The following GPR31 variants were observed in gnomAD, a reference collection of about 807,000 sequenced individuals.
GPR31 encodes the protein 12-(S)-hydroxy-5,8,10,14-eicosatetraenoic acid receptor.
For missense variants in GPR31, 394 were observed against 400.5 expected, an observed-to-expected ratio of 0.98 and a Z score of 0.14; for synonymous variants, 209 against 183.8, an observed-to-expected ratio of 1.14 and a Z score of -1.11.
rs746230560 is a variant in GPR31, at chr6:167,157,451, A to T, written c.381T>A (p.Ser127=). 3.7e-6 allele frequency: 6 copies of T among 1,613,498 alleles called. No individual in the cohort carries two copies. The highest frequency in any genetic ancestry group is 5.1e-6 in the Non-Finnish European group (6 of 1,179,942). The stretch of plus-strand genomic sequence containing the variant: ...CCGAGACCCCCAGGGCCGCCTGAGG[A>T]GACAGCAGGTTGACCTTAAGCCGAG... ...VHPRLKVNLL[S]PQAALGVSGL... Residue 127 remains serine (S), a synonymous_variant, in exon 1 of 1, where the codon TCT becomes TCA. Transcript: ENST00000366834.
Position 167,156,773 on chromosome 6 carries a change from T to A in GPR31, c.*99A>T. 1 of 1,330,734 alleles carries A rather than the reference T, an allele frequency of 7.5e-7. No individual in the cohort carries two copies. The allele number at this position is 1,330,734 out of a possible 1,614,324, so 82.4% of individuals were successfully genotyped here. A position where few individuals can be genotyped will look rare whatever the true frequency, so the allele number is the denominator to read the frequency against. ...ATGCTCTGATCCTTGTATTGCAGTCTTAAGACTTCTTCTTCTTCCAGAATC... is the reference window on the plus strand; with the variant it reads ...ATGCTCTGATCCTTGTATTGCAGTCATAAGACTTCTTCTTCTTCCAGAATC... On this transcript the variant is annotated 3_prime_UTR_variant, in exon 1 of 1. Transcript: ENST00000366834. The surrounding 1 kb of genome is among the most constrained non-coding windows in gnomAD (Gnocchi z 4.5).
chr6:167,157,075 T>C lies in GPR31; in HGVS notation c.757A>G (p.Ser253Gly). Residue 253 changes from serine to glycine, a missense_variant, in exon 1 of 1, where the codon AGC (serine) becomes GGC (glycine). Coordinates refer to ENST00000366834, the MANE Select transcript of GPR31 (RefSeq NM_005299.3). ...GCCACTGCACAAAGGGCCCTGCAGC[T>C]CCCCAGATTCTGGAAGATGTGCATC... Reference protein sequence around the residue: ...VLMHIFQNLGSCRALCAVAHT... With the variant: ...VLMHIFQNLGGCRALCAVAHT... 1 of 1,614,040 alleles carries C rather than the reference T, an allele frequency of 6.2e-7. No homozygotes were observed. Among genetic ancestry groups the C allele is most frequent in the Non-Finnish European group, 8.5e-7 (1 of 1,180,006 alleles).
rs149598520 is a variant in GPR31, at chr6:167,156,758, C to T, written c.*114G>A. The T allele has an allele frequency of 8.5e-7, 1 of 1,176,326 alleles. No homozygotes were observed. The highest frequency in any genetic ancestry group is 2.3e-5 in the Admixed American group (1 of 43,446). 72.9% of individuals were successfully genotyped at this position (1,176,326 alleles called of 1,614,324 possible). A position where few individuals can be genotyped will look rare whatever the true frequency, so the allele number is the denominator to read the frequency against. ...ACTGTGCCCATGTTTATGCTCTGAT[C>T]CTTGTATTGCAGTCTTAAGACTTCT... On this transcript the variant is annotated 3_prime_UTR_variant, in exon 1 of 1. Coordinates refer to ENST00000366834, the MANE Select transcript of GPR31 (RefSeq NM_005299.3). This position sits in a 1 kb window ranked among gnomAD's most constrained non-coding sequence, Gnocchi z 4.5.
chr6:167,157,279 G>C lies in GPR31; in HGVS notation c.553C>G (p.Gln185Glu). 6.2e-7 allele frequency: 1 copy of C among 1,614,190 alleles called. No homozygotes were observed. The highest frequency in any genetic ancestry group is 8.5e-7 in the Non-Finnish European group (1 of 1,180,026). Reference sequence around the variant, plus strand: ...ATGAGGCCAAAGGGGAGGACAAACTGAAGGCAGGAGAGTGCTTCCTGCCAG... The same window carrying C: ...ATGAGGCCAAAGGGGAGGACAAACTCAAGGCAGGAGAGTGCTTCCTGCCAG... ...IIWQEALSCLQFVLPFGLIVF... is the reference protein window; with the variant it reads ...IIWQEALSCLEFVLPFGLIVF... Residue 185 changes from glutamine to glutamate, a missense_variant, in exon 1 of 1, where the codon CAG (glutamine) becomes GAG (glutamate). By Grantham distance (29) the Gln-to-Glu change is conservative (BLOSUM62 2). Coordinates refer to ENST00000366834, the MANE Select transcript of GPR31 (RefSeq NM_005299.3).
chr6:167,157,900 A>G lies in GPR31; in HGVS notation c.-69T>C. On this transcript the variant is annotated 5_prime_UTR_variant, in exon 1 of 1. Transcript: ENST00000366834. ...GGAGGAACTCTGTGCTCTTTCTTACAAAATGAAAGAAAAGGCCTTTTCCTG... is the reference window on the plus strand; with the variant it reads ...GGAGGAACTCTGTGCTCTTTCTTACGAAATGAAAGAAAAGGCCTTTTCCTG... The G allele has an allele frequency of 6.8e-7, 1 of 1,470,572 alleles. No homozygotes were observed. Among genetic ancestry groups the G allele is most frequent in the African/African-American group, 1.4e-5 (1 of 70,472 alleles). The allele number at this position is 1,470,572 out of a possible 1,614,324, so 91.1% of individuals were successfully genotyped here.
At position 167,157,094 on chromosome 6, in the gene GPR31, G is replaced by A. The variant is rs1583010662; in HGVS notation, c.738C>T (p.His246=). The change falls in exon 1 of 1, where the codon CAC becomes CAT. Residue 246 remains histidine, a synonymous_variant. Coordinates refer to ENST00000366834, the MANE Select transcript of GPR31 (RefSeq NM_005299.3). ...TGCAGCTCCCCAGATTCTGGAAGAT[G>A]TGCATCAGGACTCTGGCCAGGAAGC... ...LPCFLARVLM[H]IFQNLGSCRA... is the part of the protein sequence containing the mutation. 1 of 1,614,210 alleles carries A rather than the reference G, an allele frequency of 6.2e-7. No individual in the cohort carries two copies. The highest frequency in any genetic ancestry group is 8.5e-7 in the Non-Finnish European group (1 of 1,180,048).
Position 167,157,427 on chromosome 6 carries a change from C to T in GPR31, c.405G>A (p.Ser135=), listed in dbSNP as rs143766557. Residue 135 remains serine (S), a synonymous_variant, in exon 1 of 1, where the codon TCG becomes TCA. Transcript: ENST00000366834. ...LLSPQAALGV[S]GLVWLLMVAL... Reference sequence around the variant, plus strand: ...CGACCATCAGGAGCCAGACGAGGCCCGAGACCCCCAGGGCCGCCTGAGGAG... The same window carrying T: ...CGACCATCAGGAGCCAGACGAGGCCTGAGACCCCCAGGGCCGCCTGAGGAG... 1.9e-3 allele frequency: 3,076 copies of T among 1,613,358 alleles called. 7 individuals carry two copies. Among genetic ancestry groups the T allele is most frequent in the Non-Finnish European group, 2.4e-3 (2,825 of 1,179,982 alleles).
In GPR31 at chr6:167,157,252, C is replaced by G; in HGVS notation, c.580G>C (p.Val194Leu). ...LQFVLPFGLIVFCNAGIIRAL... is the reference protein window; with the variant it reads ...LQFVLPFGLILFCNAGIIRAL... ...CTGATGATGCCTGCATTGCAGAACACGATGAGGCCAAAGGGGAGGACAAAC... is the reference window on the plus strand; with the variant it reads ...CTGATGATGCCTGCATTGCAGAACAGGATGAGGCCAAAGGGGAGGACAAAC... The change falls in exon 1 of 1, where the codon GTG becomes CTG. Residue 194 changes from valine (V) to leucine (L), a missense_variant. Val to Leu is a conservative substitution (Grantham distance 32, BLOSUM62 1). Coordinates refer to ENST00000366834, the MANE Select transcript of GPR31 (RefSeq NM_005299.3). 1 of 1,614,144 alleles carries G rather than the reference C, an allele frequency of 6.2e-7. No individual in the cohort carries two copies. Among genetic ancestry groups the G allele is most frequent in the Non-Finnish European group, 8.5e-7 (1 of 1,180,012 alleles).
rs1330035432 is a variant in GPR31, at chr6:167,155,554, A to G, written c.*1318T>C. Among the ~76,000 whole-genome samples the G allele has an allele frequency of 6.6e-6, 1 of 152,252 alleles. No homozygotes were observed. The highest frequency in any genetic ancestry group is 1.5e-5 in the Non-Finnish European group (1 of 68,046). On this transcript the variant is annotated 3_prime_UTR_variant, in exon 1 of 1. Transcript: ENST00000366834. ...CCTAGAGCCATCATTTTTGACCTCG[A>G]ATTTGACAGAAAGCTTGGGACCACC...
chr6:167,157,473 C>T lies in GPR31; in HGVS notation c.359G>A (p.Arg120Gln), dbSNP rs199566433. Reference protein sequence around the residue: ...LDRYLRVVHPRLKVNLLSPQA... With the variant: ...LDRYLRVVHPQLKVNLLSPQA... ...AGGAGACAGCAGGTTGACCTTAAGCCGAGGGTGGACCACACGGAGGTACCG... is the reference window on the plus strand; with the variant it reads ...AGGAGACAGCAGGTTGACCTTAAGCTGAGGGTGGACCACACGGAGGTACCG... Residue 120 changes from arginine (R) to glutamine (Q), a missense_variant, in exon 1 of 1, where the codon CGG becomes CAG. By Grantham distance (43) the Arg-to-Gln change is conservative (BLOSUM62 1). Transcript: ENST00000366834. The T allele has an allele frequency of 7.0e-4, 1,122 of 1,613,556 alleles. 10 individuals carry two copies. In the South Asian group the frequency reaches 8.7e-3, roughly 12 times the overall value.
In GPR31 at chr6:167,157,957, A is replaced by G; in HGVS notation, c.-126T>C. ...AGTAGACAAGATCTACATTTGCCCAACAAGAACAGTTCCTCAGCAGAATAG... is the reference window on the plus strand; with the variant it reads ...AGTAGACAAGATCTACATTTGCCCAGCAAGAACAGTTCCTCAGCAGAATAG... On this transcript the variant is annotated 5_prime_UTR_variant, in exon 1 of 1. Transcript: ENST00000366834. The G allele has an allele frequency of 8.5e-7, 1 of 1,174,914 alleles. No homozygotes were observed. Among genetic ancestry groups the G allele is most frequent in the South Asian group, 1.6e-5 (1 of 61,776 alleles). 72.8% of individuals were successfully genotyped at this position (1,174,914 alleles called of 1,614,324 possible).
At position 167,157,846 on chromosome 6, in the gene GPR31, G is replaced by A; in HGVS notation, c.-15C>T. 1.9e-6 allele frequency: 3 copies of A among 1,594,470 alleles called. No homozygotes were observed. Among genetic ancestry groups the A allele is most frequent in the Non-Finnish European group, 2.6e-6 (3 of 1,170,342 alleles). On this transcript the variant is annotated 5_prime_UTR_variant, in exon 1 of 1. Coordinates refer to ENST00000366834, the MANE Select transcript of GPR31 (RefSeq NM_005299.3). ...GGGAATGGCATCACCCGGCCGTGAGGGGCTGCAGGCACAGCTGGAGCAGGT... is the reference window on the plus strand; with the variant it reads ...GGGAATGGCATCACCCGGCCGTGAGAGGCTGCAGGCACAGCTGGAGCAGGT...
chr6:167,157,628 A>G lies in GPR31; in HGVS notation c.204T>C (p.Pro68=). Residue 68 remains proline, a synonymous_variant, in exon 1 of 1, where the codon CCT becomes CCC. Transcript: ENST00000366834. ...GGCTCAGGTAGAAGGCGGCCAGGAAAGGCAGGCACGCAGCCAACAGCAGGT... is the reference window on the plus strand; with the variant it reads ...GGCTCAGGTAGAAGGCGGCCAGGAAGGGCAGGCACGCAGCCAACAGCAGGT... The part of the protein sequence containing the change: ...LADLLLAACL[P]FLAAFYLSLQ... 1 of 1,613,826 alleles carries G rather than the reference A, an allele frequency of 6.2e-7. No homozygotes were observed. Among genetic ancestry groups the G allele is most frequent in the Non-Finnish European group, 8.5e-7 (1 of 1,179,936 alleles).
rs970685013 is a variant in GPR31, at chr6:167,155,563, G to A, written c.*1309C>T. Among the ~76,000 whole-genome samples the A allele has an allele frequency of 6.6e-6, 1 of 152,236 alleles. No homozygotes were observed. Among genetic ancestry groups the A allele is most frequent in the East Asian group, 1.9e-4 (1 of 5,206 alleles). ...ATCATTTTTGACCTCGAATTTGACA[G>A]AAAGCTTGGGACCACCCCTGTGGGA... is the stretch of plus-strand genomic sequence containing the variant. On this transcript the variant is annotated 3_prime_UTR_variant, in exon 1 of 1. Transcript: ENST00000366834.
chr6:167,157,566 G>A lies in GPR31; in HGVS notation c.266C>T (p.Ala89Val), dbSNP rs755363382. 1.2e-5 allele frequency: 19 copies of A among 1,610,254 alleles called. No homozygotes were observed. In the Admixed American group the frequency reaches 1.7e-4, roughly 14 times the overall value. The change falls in exon 1 of 1, where the codon GCC becomes GTC. Residue 89 changes from alanine to valine, a missense_variant. By Grantham distance (64) the Ala-to-Val change is moderately conservative. Coordinates refer to ENST00000366834, the MANE Select transcript of GPR31 (RefSeq NM_005299.3). Reference sequence around the variant, plus strand: ...GCTGAGGTCCAGCAGGAAGTGCAGGGCCCAGCAGCCCACACGGCCCAGATG... The same window carrying A: ...GCTGAGGTCCAGCAGGAAGTGCAGGACCCAGCAGCCCACACGGCCCAGATG... ...AWHLGRVGCW[A>V]LHFLLDLSRS... is the part of the protein sequence containing the mutation.
At position 167,157,142 on chromosome 6, in the gene GPR31, C is replaced by G. The variant is rs1404842950; in HGVS notation, c.690G>C (p.Leu230=). 5 of 1,614,106 alleles carry G rather than the reference C, an allele frequency of 3.1e-6. No individual in the cohort carries two copies. The South Asian group carries it at 4.4e-5, about 14-fold the overall frequency. ...AQALVTLVVV[L]FALCFLPCFL... is the part of the protein sequence containing the mutation. ...AGCAGGGCAGAAAGCACAGAGCAAA[C>G]AGCACCACCACCAAGGTGACCAGTG... The change falls in exon 1 of 1, where the codon CTG becomes CTC. Residue 230 remains leucine, a synonymous_variant. Coordinates refer to ENST00000366834, the MANE Select transcript of GPR31 (RefSeq NM_005299.3).
rs536737881 is a variant in GPR31, at chr6:167,157,092, A to T, written c.740T>A (p.Ile247Asn). 18 of 1,614,210 alleles carry T rather than the reference A, an allele frequency of 1.1e-5. No homozygotes were observed. The East Asian group carries it at 3.1e-4, about 28-fold the overall frequency. Reference protein sequence around the residue: ...PCFLARVLMHIFQNLGSCRAL... With the variant: ...PCFLARVLMHNFQNLGSCRAL... ...CCTGCAGCTCCCCAGATTCTGGAAG[A>T]TGTGCATCAGGACTCTGGCCAGGAA... The change falls in exon 1 of 1, where the codon ATC becomes AAC. Residue 247 changes from isoleucine to asparagine, a missense_variant. Physicochemically the swap from Ile to Asn is moderately radical, Grantham distance 149. Coordinates refer to ENST00000366834, the MANE Select transcript of GPR31 (RefSeq NM_005299.3).
At position 167,156,945 on chromosome 6, in the gene GPR31, A is replaced by T; in HGVS notation, c.887T>A (p.Val296Asp). ...SPTFRSSYRR[V>D]FHTLRGKGQA... The stretch of plus-strand genomic sequence containing the variant: ...CCCTTTGCCTCGGAGGGTGTGGAAG[A>T]CCCTCCGATAGGAGCTCCTGAAGGT... The change falls in exon 1 of 1, where the codon GTC (valine) becomes GAC (aspartate). Residue 296 changes from valine (V) to aspartate (D), a missense_variant. By Grantham distance (152) the Val-to-Asp change is radical. Coordinates refer to ENST00000366834, the MANE Select transcript of GPR31 (RefSeq NM_005299.3). This position sits in a 1 kb window ranked among gnomAD's most constrained non-coding sequence, Gnocchi z 4.5. 1 of 1,613,714 alleles carries T rather than the reference A, an allele frequency of 6.2e-7. No homozygotes were observed. The highest frequency in any genetic ancestry group is 1.7e-5 in the Admixed American group (1 of 59,992).
Position 167,157,346 on chromosome 6 carries a change from G to A in GPR31, c.486C>T (p.Cys162=), listed in dbSNP as rs977889634. The A allele has an allele frequency of 6.2e-7, 1 of 1,613,832 alleles. No homozygotes were observed. Among genetic ancestry groups the A allele is most frequent in the Non-Finnish European group, 8.5e-7 (1 of 1,180,028 alleles). The part of the protein sequence containing the change: ...ISEAAQNSTR[C]HSFYSRADGS... Reference sequence around the variant, plus strand: ...CGTCTGCCCTGGAGTAGAAACTGTGGCACCTGGTGGAGTTCTGGGCGGCCT... The same window carrying A: ...CGTCTGCCCTGGAGTAGAAACTGTGACACCTGGTGGAGTTCTGGGCGGCCT... The change falls in exon 1 of 1, where the codon TGC becomes TGT. Residue 162 remains cysteine, a synonymous_variant. Coordinates refer to ENST00000366834, the MANE Select transcript of GPR31 (RefSeq NM_005299.3).
Sources: gnomAD v4.1 joint callset for allele counts (sites outside exome capture counted in the v4.1 genomes callset) on GRCh38, gnomAD v4.1.1 for gene constraint, Gnocchi (gnomAD v3.1) non-coding constraint, MANE v1.5 for transcripts, NCBI Gene and HGNC (gene_info 2026-07-23, HGNC 2026-07-21) for gene names.